Variants in NR2C1 observed in about 807,000 individuals in gnomAD.
NR2C1 encodes the protein nuclear receptor subfamily 2 group C member 1, also known as TR2 nuclear hormone receptor.
NR2C1 carries 33 observed loss-of-function variants against 74.8 expected under a neutral mutation model. That is an observed-to-expected ratio of 0.44 (90% CI 0.33 to 0.59). NR2C1 has a LOEUF of 0.59. NR2C1 is among the 20% of genes least tolerant of loss of function. The pLI, the probability that NR2C1 is intolerant of heterozygous loss-of-function variation, is 0.02. For missense variants in NR2C1, 568 were observed against 715.6 expected, an observed-to-expected ratio of 0.79 and a Z score of 2.35; for synonymous variants, 225 against 240.6, an observed-to-expected ratio of 0.94 and a Z score of 0.60.
chr12:95,035,063 G>C (rs532359549), intron 10 of NR2C1, among the ~76,000 whole-genome samples: 1 of 152,152 alleles, frequency 6.6e-6, no homozygotes, highest in Middle Eastern at 3.2e-3. Flanking sequence ...AATAAGGAAT[G>C]AATAAGTGCA....
At position 95,043,334 on chromosome 12, in the gene NR2C1, A is replaced by G. The variant is rs547592417; in HGVS notation, c.1132-2737T>C. 5.3e-4 allele frequency among the ~76,000 whole-genome samples: 80 copies of G among 152,204 alleles called. No individual in the cohort carries two copies. In the South Asian group the frequency reaches 0.016, roughly 30 times the overall value. On this transcript the variant is annotated intron_variant, in intron 9 of 13. Coordinates refer to ENST00000333003, the MANE Select transcript of NR2C1 (RefSeq NM_003297.4). ...AAAGGAAGTCTGAAAAACTAAGGGA[A>G]TTACCAAAAATTACTAGTTTTGGGG...
intron 5 of NR2C1, 57 bp downstream of exon 5, chr12:95,058,253 T>C: frequency 6.8e-7 from 1 of 1,462,660 alleles, no homozygotes; most frequent in Non-Finnish European, 9.3e-7. Flanking sequence ...ATTTCAATAC[T>C]CTTGTAGTTT....
intron 10 of NR2C1, among the ~76,000 whole-genome samples, chr12:95,034,093 C>T (rs1326211346): frequency 6.6e-6 from 1 of 152,056 alleles, no homozygotes; most frequent in Non-Finnish European, 1.5e-5. Flanking sequence ...AGAAATCATT[C>T]GTTAAGAATC....
chr12:95,037,269 G>C (rs369363377), intron 10 of NR2C1, among the ~76,000 whole-genome samples: 2 of 152,130 alleles, frequency 1.3e-5, no homozygotes, highest in African/African-American at 2.4e-5. Flanking sequence ...CCTAAATTTT[G>C]CAGGGAGAAC....
chr12:95,033,611 T>A (rs1410666392), intron 10 of NR2C1, among the ~76,000 whole-genome samples: 1 of 151,840 alleles, frequency 6.6e-6, no homozygotes, highest in African/African-American at 2.4e-5. Flanking sequence ...TAGCCTTGTT[T>A]TCCTGGCTAA....
chr12:95,047,761 G>C (rs751885490), intron 9 of NR2C1, among the ~76,000 whole-genome samples: 2 of 152,216 alleles, frequency 1.3e-5, no homozygotes, highest in African/African-American at 4.8e-5. Context: ...AAATGGAAGA[G>C]TCAAAACAAC....
rs747849083 is a variant in NR2C1, at chr12:95,022,391, T to C, written c.1650A>G (p.Leu550=). 4 of 1,607,996 alleles carry C rather than the reference T, an allele frequency of 2.5e-6. No individual in the cohort carries two copies. The highest frequency in any genetic ancestry group is 1.3e-5 in the African/African-American group (1 of 74,570). Residue 550 remains leucine, a synonymous_variant, in exon 14 of 14, where the codon CTA becomes CTG. Coordinates refer to ENST00000333003, the MANE Select transcript of NR2C1 (RefSeq NM_003297.4). ...GTCTTAAAGCTGGCAATCTGAGTAGTAGTCTGGATAACCTAAAAAAAGAAA... is the reference window on the plus strand; with the variant it reads ...GTCTTAAAGCTGGCAATCTGAGTAGCAGTCTGGATAACCTAAAAAAAGAAA... ...YPDDTYRLSR[L]LLRLPALRLM... is the part of the protein sequence containing the mutation.
chr12:95,050,208 C>G (rs1432027570), intron 8 of NR2C1, among the ~76,000 whole-genome samples: 1 of 152,006 alleles, frequency 6.6e-6, no homozygotes, highest in Non-Finnish European at 1.5e-5. Context: ...AAAATAGTTC[C>G]CCATATTTTT....
At chr12:95,058,903 C>T (rs1252887279) in intron 4 of NR2C1, among the ~76,000 whole-genome samples, 1 of 152,074 alleles carries the variant, frequency 6.6e-6, no homozygotes, top group Non-Finnish European at 1.5e-5. Context: ...GCTGGGATTA[C>T]AGGCATGAGC....
rs556188114 is a variant in NR2C1, at chr12:95,052,968, G to A, written c.784-1025C>T. 3.3e-5 allele frequency among the ~76,000 whole-genome samples: 5 copies of A among 151,970 alleles called. No homozygotes were observed. The South Asian group carries it at 8.3e-4, about 25-fold the overall frequency. ...TGGAGTTGAAAACTCTCTTTATATA[G>A]GTAAGATACTGATCTATTTGTCTTT... On this transcript the variant is annotated intron_variant, in intron 7 of 13. Coordinates refer to ENST00000333003, the MANE Select transcript of NR2C1 (RefSeq NM_003297.4).
intron 1 of NR2C1, among the ~76,000 whole-genome samples, chr12:95,068,345 T>C (rs1876044884): frequency 6.6e-6 from 1 of 152,232 alleles, no homozygotes; most frequent in African/African-American, 2.4e-5. Context: ...AATTCTGAGG[T>C]ACTGGTGGTC....
chr12:95,054,300 CT>C (rs546713451), intron 7 of NR2C1, among the ~76,000 whole-genome samples: 1,621 of 141,804 alleles, frequency 0.011, 14 homozygotes, highest in African/African-American at 0.026. Context: ...AAAGTCTATG[CT>C]TTTTTTTTTT....
chr12:95,059,977 G>C lies in NR2C1; in HGVS notation c.293C>G (p.Thr98Arg), dbSNP rs1592782671. 2 of 925,314 alleles carry C rather than the reference G, an allele frequency of 2.2e-6. No individual in the cohort carries two copies. Among genetic ancestry groups the C allele is most frequent in the Non-Finnish European group, 3.2e-6 (2 of 631,922 alleles). The allele number at this position is 925,314 out of a possible 1,614,324, so 57.3% of individuals were successfully genotyped here. Residue 98 changes from threonine to arginine, a missense_variant, in exon 4 of 14, where the codon ACA becomes AGA. Transcript: ENST00000333003. Reference protein sequence around the residue: ...DLSAQHLQLLTDNSPDQGPNK... With the variant: ...DLSAQHLQLLRDNSPDQGPNK... ...TGGTCCTTGGTCTGGAGAATTATCT[G>C]TTAGGAGCTAAAAAAAAAAAAAAAA...
Position 95,057,759 on chromosome 12 carries a change from T to G in NR2C1, c.664A>C (p.Thr222Pro), listed in dbSNP as rs758571899. The change falls in exon 6 of 14, where the codon ACT becomes CCT. Residue 222 changes from threonine to proline, a missense_variant. Physicochemically the swap from Thr to Pro is conservative, Grantham distance 38. Around this residue, in one of 6 missense-constraint regions of NR2C1, gnomAD observed 239 missense variants for 232.3 expected, o/e 1.03. Coordinates refer to ENST00000333003, the MANE Select transcript of NR2C1 (RefSeq NM_003297.4). ...DLRSPLTATP[T>P]FVTDSESTRS... ...GTACTTTCACTATCTGTTACAAAAG[T>G]TGGAGTTGCAGTTAATGGGCTACGA... 1.2e-6 allele frequency: 2 copies of G among 1,614,084 alleles called. No individual in the cohort carries two copies. The highest frequency in any genetic ancestry group is 1.7e-5 in the Admixed American group (1 of 60,008).
intron 10 of NR2C1, among the ~76,000 whole-genome samples, chr12:95,039,951 C>T (rs1871303352): frequency 1.3e-5 from 2 of 152,020 alleles, no homozygotes; most frequent in Non-Finnish European, 2.9e-5. Flanking sequence ...CAGATGTACT[C>T]TTGAGTGGTA....
rs1046550726 is a variant in NR2C1, at chr12:95,060,140, G to T, written c.286-156C>A. ...TTTTAAACTTTGTACTCTATGAAGA[G>T]CTCAGAACCTTTCCACATGTAATGA... On this transcript the variant is annotated intron_variant, in intron 3 of 13. Transcript: ENST00000333003. Among the ~76,000 whole-genome samples, 3 of 152,140 alleles carry T rather than the reference G, an allele frequency of 2.0e-5. No homozygotes were observed. In the South Asian group the frequency reaches 6.2e-4, roughly 32 times the overall value.
intron 8 of NR2C1, among the ~76,000 whole-genome samples, chr12:95,050,200 A>C (rs1383695638): frequency 6.6e-6 from 1 of 152,194 alleles, no homozygotes; most frequent in African/African-American, 2.4e-5. Context: ...AATTACTCAA[A>C]ATAGTTCCCC....
At chr12:95,063,202 G>C (rs995302308) in intron 2 of NR2C1, among the ~76,000 whole-genome samples, 1 of 152,226 alleles carries the variant, frequency 6.6e-6, no homozygotes, top group East Asian at 1.9e-4. Flanking sequence ...AATGAGGGAA[G>C]CTCACGCTAA....
At chr12:95,048,620 G>A (rs1872594779) in intron 9 of NR2C1, among the ~76,000 whole-genome samples, 1 of 133,526 alleles carries the variant, frequency 7.5e-6, no homozygotes, top group African/African-American at 3.1e-5. Context: ...ATATGCAGAT[G>A]AGTTTTTTTT....
Sources: allele counts gnomAD v4.1 joint callset (sites outside exome capture counted in the v4.1 genomes callset), GRCh38; gene constraint gnomAD v4.1.1; regional missense constraint gnomAD v4.1.1; transcripts MANE v1.5; gene names NCBI Gene and HGNC (gene_info 2026-07-23, HGNC 2026-07-21).